The following ZNF423 variants were observed in gnomAD, a reference collection of about 807,000 sequenced individuals.
The protein encoded by ZNF423 is zinc finger protein 423.
Under a neutral mutation model 95.8 loss-of-function variants are expected in ZNF423, and 12 were observed. That is an observed-to-expected ratio of 0.13 (90% CI 0.08 to 0.20). The LOEUF (loss-of-function observed/expected upper bound fraction) is 0.20. Among genes scored for constraint, ZNF423 ranks in the 10% least tolerant of loss-of-function variants. The pLI is 1.00. For synonymous variants in ZNF423, 749 were observed against 711.9 expected, an observed-to-expected ratio of 1.05 and a Z score of -0.83; for missense variants, 1,316 against 1,737.1, an observed-to-expected ratio of 0.76 and a Z score of 4.31.
intron 5 of ZNF423, among the ~76,000 whole-genome samples, chr16:49,561,365 A>G (rs764245317): frequency 5.9e-5 from 9 of 152,218 alleles, no homozygotes; most frequent in Non-Finnish European, 1.2e-4. Flanking sequence ...GTATGTGTGT[A>G]TATAGATGTA....
chr16:49,593,891 G>A (rs892680776), intron 5 of ZNF423, among the ~76,000 whole-genome samples: 1 of 152,174 alleles, frequency 6.6e-6, no homozygotes, highest in Admixed American at 6.5e-5. Context: ...GGCTCAGAAG[G>A]CAGCAGAAAT....
chr16:49,588,009 T>C (rs1418285992), intron 5 of ZNF423, among the ~76,000 whole-genome samples: 1 of 152,182 alleles, frequency 6.6e-6, no homozygotes, highest in Non-Finnish European at 1.5e-5. Flanking sequence ...CACATCTATG[T>C]GTCTACCTCT....
chr16:49,762,052 T>A (rs1483656855), intron 2 of ZNF423, among the ~76,000 whole-genome samples: 1 of 152,122 alleles, frequency 6.6e-6, no homozygotes, highest in Admixed American at 6.5e-5. Context: ...CCTCAAGTGA[T>A]CCTCCCACCT....
intron 5 of ZNF423, among the ~76,000 whole-genome samples, chr16:49,620,137 ACACACACACACACACACACACACAC>A (rs1972011190): frequency 7.0e-6 from 1 of 143,010 alleles, no homozygotes; most frequent in African/African-American, 2.9e-5. Flanking sequence ...TCTTCTACAC[ACACACACACACACACACACACACAC>A]CACACACACA....
intron 3 of ZNF423, among the ~76,000 whole-genome samples, chr16:49,721,760 A>G (rs1185446936): frequency 6.6e-6 from 1 of 152,184 alleles, no homozygotes; most frequent in Non-Finnish European, 1.5e-5. Flanking sequence ...GAAAGAAGCA[A>G]AAACCTCCTC....
At chr16:49,556,907 C>A (rs1969846443) in intron 5 of ZNF423, among the ~76,000 whole-genome samples, 1 of 152,146 alleles carries the variant, frequency 6.6e-6, no homozygotes, top group South Asian at 2.1e-4. Context: ...CTAGCCCAGG[C>A]ACATGTAACT....
At chr16:49,608,281 T>C (rs1971606156) in intron 5 of ZNF423, among the ~76,000 whole-genome samples, 1 of 152,006 alleles carries the variant, frequency 6.6e-6, no homozygotes, top group Non-Finnish European at 1.5e-5. Context: ...GATTTACAAC[T>C]GCCACCAACA....
At chr16:49,816,354 T>A (rs1364768683) in intron 1 of ZNF423, among the ~76,000 whole-genome samples, 1 of 152,184 alleles carries the variant, frequency 6.6e-6, no homozygotes, top group Non-Finnish European at 1.5e-5. Context: ...GTTTGTTTTG[T>A]CATTGAGCTA....
At chr16:49,714,000 C>T (rs762093361) in intron 3 of ZNF423, among the ~76,000 whole-genome samples, 1 of 152,144 alleles carries the variant, frequency 6.6e-6, no homozygotes, top group Non-Finnish European at 1.5e-5. Flanking sequence ...CAAGTCAGCC[C>T]GGCAGTGTGG....
intron 5 of ZNF423, among the ~76,000 whole-genome samples, chr16:49,620,216 CACATACACAT>C (rs1298633446): frequency 7.1e-6 from 1 of 140,080 alleles, no homozygotes; most frequent in African/African-American, 2.7e-5. Context: ...CACAGACACA[CACATACACAT>C]ACACACACAG....
intron 2 of ZNF423, among the ~76,000 whole-genome samples, chr16:49,779,666 A>G (rs542321980): frequency 3.3e-5 from 5 of 152,212 alleles, no homozygotes; most frequent in Admixed American, 2.0e-4. Flanking sequence ...ACCCACAGAC[A>G]TGCCTGACTG....
intron 5 of ZNF423, among the ~76,000 whole-genome samples, chr16:49,549,428 G>A (rs1419668451): frequency 6.6e-6 from 1 of 152,188 alleles, no homozygotes; most frequent in Non-Finnish European, 1.5e-5. Flanking sequence ...TTAGGGGCAT[G>A]GGCTCCCCTG....
intron 5 of ZNF423, among the ~76,000 whole-genome samples, chr16:49,556,891 G>A (rs77493532): frequency 0.054 from 8,150 of 152,204 alleles, 303 homozygotes; most frequent in East Asian, 0.14. Flanking sequence ...ACAGTACCAC[G>A]GGGATCTAGC....
At chr16:49,514,511 C>G (rs2151688194) in intron 7 of ZNF423, among the ~76,000 whole-genome samples, 1 of 152,256 alleles carries the variant, frequency 6.6e-6, no homozygotes, top group African/African-American at 2.4e-5. Context: ...AGGAAGGGTC[C>G]CAAGGGAGCT....
At chr16:49,582,077 C>T (rs956078945) in intron 5 of ZNF423, among the ~76,000 whole-genome samples, 5 of 152,352 alleles carry the variant, frequency 3.3e-5, no homozygotes, top group South Asian at 4.1e-4. Flanking sequence ...CAACTCACCA[C>T]GCTCACATAG....
chr16:49,678,464 G>A (rs992682006), intron 3 of ZNF423, among the ~76,000 whole-genome samples: 3 of 152,166 alleles, frequency 2.0e-5, no homozygotes, highest in East Asian at 3.9e-4. Flanking sequence ...CCCTGTCCTC[G>A]TGGAGTTGAC....
chr16:49,609,538 A>G (rs1416414170), intron 5 of ZNF423, among the ~76,000 whole-genome samples: 1 of 152,202 alleles, frequency 6.6e-6, no homozygotes, highest in Non-Finnish European at 1.5e-5. Flanking sequence ...AAGAAATAGG[A>G]GATACAAGGA....
intron 1 of ZNF423, among the ~76,000 whole-genome samples, chr16:49,815,623 A>C (rs1391811963): frequency 6.6e-6 from 1 of 151,980 alleles, no homozygotes; most frequent in African/African-American, 2.4e-5. Flanking sequence ...TCCTCGGAGT[A>C]CTGGCAACCT....
chr16:49,748,495 C>T (rs933795242), intron 2 of ZNF423, among the ~76,000 whole-genome samples: 2 of 152,158 alleles, frequency 1.3e-5, no homozygotes, highest in African/African-American at 2.4e-5. Flanking sequence ...CTGCCTAAAA[C>T]GCGTCTTGGC....
Sources: allele counts gnomAD v4.1 joint callset (sites outside exome capture counted in the v4.1 genomes callset), GRCh38; gene constraint gnomAD v4.1.1; transcripts MANE v1.5; gene names NCBI Gene and HGNC (gene_info 2026-07-23, HGNC 2026-07-21).